KSR2: variants seen among roughly 807,000 people sequenced by gnomAD.
KSR2 encodes kinase suppressor of ras 2.
In KSR2, 25 loss-of-function variants were observed where a neutral mutation model predicts 107.8. The ratio of observed to expected loss-of-function variants is 0.23; its 90% CI spans 0.17 to 0.32. The LOEUF (loss-of-function observed/expected upper bound fraction) is 0.32. Ranked by LOEUF, KSR2 falls within the 10% of genes least tolerant of loss-of-function variation. KSR2 has a pLI of 1.00. For missense variants in KSR2, 887 were observed against 1,268.9 expected (o/e 0.70, Z 4.57); for synonymous variants, 480 against 507.0 (o/e 0.95, Z 0.71).
At chr12:117,636,894 G>C (rs1056941880) in intron 5 of KSR2, among the ~76,000 whole-genome samples, 1 of 146,204 alleles carries the variant, frequency 6.8e-6, no homozygotes, top group Non-Finnish European at 1.5e-5. Flanking sequence ...GCAGACATTT[G>C]CCACATATAT....
At chr12:117,808,544 G>A (rs1036925947) in intron 3 of KSR2, among the ~76,000 whole-genome samples, 1 of 152,172 alleles carries the variant, frequency 6.6e-6, no homozygotes, top group African/African-American at 2.4e-5. Flanking sequence ...TTTGGAAAAG[G>A]TTTAGCCCAG....
chr12:117,676,240 A>G (rs962101515), intron 4 of KSR2, among the ~76,000 whole-genome samples: 2 of 151,922 alleles, frequency 1.3e-5, no homozygotes, highest in Non-Finnish European at 2.9e-5. Flanking sequence ...TGGCTGGAGC[A>G]CTCCCCAAGC....
Position 117,759,023 on chromosome 12 carries a change from C to G in KSR2, c.986+1988G>C, listed in dbSNP as rs1303044739. 4.6e-5 allele frequency among the ~76,000 whole-genome samples: 7 copies of G among 152,318 alleles called. No homozygotes were observed. In the East Asian group the frequency reaches 1.4e-3, roughly 29 times the overall value. ...GTGGCTCTCACAAAACCATGCAAAT[C>G]AAACACAACTCCAATCAGAAAAGCA... On this transcript the variant is annotated intron_variant, in intron 4 of 19. Transcript: ENST00000339824.
chr12:117,724,890 G>A (rs921680460), intron 4 of KSR2, among the ~76,000 whole-genome samples: 2 of 152,060 alleles, frequency 1.3e-5, no homozygotes, highest in African/African-American at 4.8e-5. Context: ...GAAGTCAAGA[G>A]AGTCAAAGAC....
At chr12:117,674,308 G>T in intron 4 of KSR2, 1 of 508,872 alleles carries the variant, frequency 2.0e-6, no homozygotes, top group Non-Finnish European at 3.9e-6. Flanking sequence ...CTCCTCGCTG[G>T]AATCGCAGAC....
intron 3 of KSR2, among the ~76,000 whole-genome samples, chr12:117,825,211 AT>A (rs1194963124): frequency 4.6e-5 from 7 of 152,258 alleles, no homozygotes; most frequent in African/African-American, 1.7e-4. Context: ...CCTGACACAT[AT>A]TAGGTTGTCA....
At chr12:117,678,995 T>C (rs1885256864) in intron 4 of KSR2, among the ~76,000 whole-genome samples, 1 of 152,192 alleles carries the variant, frequency 6.6e-6, no homozygotes, top group Non-Finnish European at 1.5e-5. Context: ...ATCACCCTCT[T>C]GGCATGAATT....
chr12:117,467,254 G>C (rs757762861), intron 19 of KSR2, 49 bp from the exon 20 acceptor site: 1 of 699,448 alleles, frequency 1.4e-6, no homozygotes, highest in Non-Finnish European at 2.6e-6. Context: ...ACAAGGACAT[G>C]ATGATGTCAT....
chr12:117,725,283 C>G (rs1356945212), intron 4 of KSR2, among the ~76,000 whole-genome samples: 3 of 152,048 alleles, frequency 2.0e-5, no homozygotes, highest in Non-Finnish European at 4.4e-5. Context: ...AGACAAGAGG[C>G]CAGAGAGGTA....
Position 117,833,876 on chromosome 12 carries a change from C to T in KSR2, c.472+21552G>A, listed in dbSNP as rs145782225. 4.3e-4 allele frequency among the ~76,000 whole-genome samples: 66 copies of T among 151,920 alleles called. 1 individual carries two copies. Among genetic ancestry groups the T allele is most frequent in the Non-Finnish European group, 7.5e-4 (51 of 67,982 alleles). ...TTGTCTTAGAACCGGCAACACCTGG[C>T]GGGGCACTTTGGGAGGCCGAGGCAG... On this transcript the variant is annotated intron_variant, in intron 3 of 19. Coordinates refer to ENST00000339824, the MANE Select transcript of KSR2 (RefSeq NM_173598.6).
intron 1 of KSR2, among the ~76,000 whole-genome samples, chr12:117,888,641 C>T (rs980875012): frequency 2.6e-5 from 4 of 152,152 alleles, no homozygotes; most frequent in African/African-American, 7.2e-5. Context: ...AGAAGGTGGC[C>T]GTCTGCAAGC....
At chr12:117,698,016 G>C (rs1000733985) in intron 4 of KSR2, among the ~76,000 whole-genome samples, 2 of 152,086 alleles carry the variant, frequency 1.3e-5, no homozygotes, top group African/African-American at 2.4e-5. Flanking sequence ...GCAGAGACCA[G>C]AGTGATGCTT....
chr12:117,656,960 TAGG>T (rs1340976898), intron 5 of KSR2, among the ~76,000 whole-genome samples: 1,278 of 73,686 alleles, frequency 0.017, 17 homozygotes, highest in Non-Finnish European at 0.02. Flanking sequence ...ATATATATAA[TAGG>T]ATATATATAT....
intron 1 of KSR2, among the ~76,000 whole-genome samples, chr12:117,956,593 G>T (rs1371494684): frequency 6.6e-6 from 1 of 151,790 alleles, no homozygotes; most frequent in Admixed American, 6.6e-5. Context: ...ACAGAAAATA[G>T]AAATTATCAA....
intron 1 of KSR2, among the ~76,000 whole-genome samples, chr12:117,966,490 A>T (rs1297533294): frequency 6.6e-6 from 1 of 151,300 alleles, no homozygotes; most frequent in Non-Finnish European, 1.5e-5. Context: ...CACAATTCCC[A>T]CTCTCCCGAT....
chr12:117,933,462 C>G (rs1194063479), intron 1 of KSR2, among the ~76,000 whole-genome samples: 1 of 151,836 alleles, frequency 6.6e-6, no homozygotes, highest in Non-Finnish European at 1.5e-5. Flanking sequence ...TGGTGGCGGG[C>G]GCCTGTGGTC....
At chr12:117,708,355 A>C (rs901936976) in intron 4 of KSR2, among the ~76,000 whole-genome samples, 2 of 152,120 alleles carry the variant, frequency 1.3e-5, no homozygotes. Context: ...TCTGAGAACC[A>C]GGAGGTAGTG....
chr12:117,780,382 A>G (rs1889843502), intron 3 of KSR2, among the ~76,000 whole-genome samples: 1 of 152,238 alleles, frequency 6.6e-6, no homozygotes, highest in Non-Finnish European at 1.5e-5. Context: ...TCAACCTTAA[A>G]AAGTAAGGAA....
chr12:117,825,691 G>A (rs1891717954), intron 3 of KSR2, among the ~76,000 whole-genome samples: 1 of 152,060 alleles, frequency 6.6e-6, no homozygotes, highest in Non-Finnish European at 1.5e-5. Context: ...TCCCTTGTTA[G>A]ATGGTTCAGT....
Sources: allele counts gnomAD v4.1 joint callset (sites outside exome capture counted in the v4.1 genomes callset), GRCh38; gene constraint gnomAD v4.1.1; transcripts MANE v1.5; gene names NCBI Gene and HGNC (gene_info 2026-07-23, HGNC 2026-07-21).